Variants in GALNTL6 observed in about 807,000 individuals in gnomAD.
GALNTL6 encodes the protein polypeptide N-acetylgalactosaminyltransferase-like 6.
Under a neutral mutation model 73.7 loss-of-function variants are expected in GALNTL6, and 46 were observed. That is an observed-to-expected ratio of 0.62 (90% CI 0.49 to 0.80). The LOEUF (loss-of-function observed/expected upper bound fraction) is 0.80, where lower values mean the gene tolerates loss of function less well. GALNTL6 is among the 30% of genes least tolerant of loss of function. The pLI, the probability that GALNTL6 is intolerant of heterozygous loss-of-function variation, is 0.00. For missense variants in GALNTL6, 604 were observed against 755.0 expected (o/e 0.80, Z 2.34); for synonymous variants, 259 against 263.7 (o/e 0.98, Z 0.17).
At chr4:172,752,820 T>C (rs1365141591) in intron 5 of GALNTL6, among the ~76,000 whole-genome samples, 1 of 152,144 alleles carries the variant, frequency 6.6e-6, no homozygotes, top group African/African-American at 2.4e-5. Flanking sequence ...AATAAGAAAA[T>C]ACTTGCAATC....
intron 2 of GALNTL6, among the ~76,000 whole-genome samples, chr4:172,005,423 G>A (rs1157755553): frequency 1.3e-5 from 2 of 151,910 alleles, no homozygotes; most frequent in Admixed American, 1.3e-4. Context: ...CACTGCCCCA[G>A]GACTTAAAAA....
At chr4:172,050,343 G>T (rs141461066) in intron 2 of GALNTL6, among the ~76,000 whole-genome samples, 2 of 152,262 alleles carry the variant, frequency 1.3e-5, no homozygotes, top group East Asian at 3.9e-4. Context: ...GAAGGCAGAA[G>T]TTACAGGCAA....
intron 5 of GALNTL6, among the ~76,000 whole-genome samples, chr4:172,632,824 T>C (rs1030045324): frequency 6.6e-6 from 1 of 152,194 alleles, no homozygotes. Context: ...TCCTGCTCCA[T>C]GCAGCCTTGG....
intron 2 of GALNTL6, among the ~76,000 whole-genome samples, chr4:171,856,607 G>A (rs994147635): frequency 6.6e-6 from 1 of 152,100 alleles, no homozygotes; most frequent in African/African-American, 2.4e-5. Context: ...ATTAATGTAA[G>A]GTCTGTCTCA....
intron 5 of GALNTL6, among the ~76,000 whole-genome samples, chr4:172,569,266 C>G (rs1736675971): frequency 6.6e-6 from 1 of 152,148 alleles, no homozygotes; most frequent in Non-Finnish European, 1.5e-5. Context: ...TGTCTTCTTG[C>G]AGTGTCTTCA....
In GALNTL6 at chr4:172,623,605, A is replaced by G. The variant is rs575438053; in HGVS notation, c.554-185756A>G. Among the ~76,000 whole-genome samples, 6 of 152,296 alleles carry G rather than the reference A, an allele frequency of 3.9e-5. No individual in the cohort carries two copies. In the South Asian group the frequency reaches 1.2e-3, roughly 32 times the overall value. On this transcript the variant is annotated intron_variant, in intron 5 of 12. Coordinates refer to ENST00000506823, the MANE Select transcript of GALNTL6 (RefSeq NM_001034845.3). The stretch of plus-strand genomic sequence containing the variant: ...GTTGTGTTTTGTAATCTAGCCAATC[A>G]ATATCCTTCCATTCAGCTCCTTTAT...
At chr4:172,652,602 C>T (rs560853894) in intron 5 of GALNTL6, among the ~76,000 whole-genome samples, 3 of 152,316 alleles carry the variant, frequency 2.0e-5, no homozygotes, top group Non-Finnish European at 4.4e-5. Flanking sequence ...TAAGAACAGA[C>T]TCTATCCCCA....
chr4:172,211,292 T>C (rs1736314712), intron 2 of GALNTL6, among the ~76,000 whole-genome samples: 1 of 152,222 alleles, frequency 6.6e-6, no homozygotes, highest in Admixed American at 6.5e-5. Flanking sequence ...TTCTGGGATG[T>C]CCTTGCCCCT....
At chr4:172,674,164 G>A (rs1191164839) in intron 5 of GALNTL6, among the ~76,000 whole-genome samples, 1 of 152,102 alleles carries the variant, frequency 6.6e-6, no homozygotes. Flanking sequence ...GTCCCGTGGT[G>A]ACAATTTCCC....
intron 5 of GALNTL6, among the ~76,000 whole-genome samples, chr4:172,503,553 T>TATA (rs1554031112): frequency 6.9e-6 from 1 of 145,654 alleles, no homozygotes. Flanking sequence ...TATATATGTA[T>TATA]TAGTTTTTTG....
intron 5 of GALNTL6, among the ~76,000 whole-genome samples, chr4:172,609,884 C>G (rs759170242): frequency 1.2e-4 from 18 of 151,330 alleles, no homozygotes; most frequent in Non-Finnish European, 2.4e-4. Flanking sequence ...TGTTATTGGT[C>G]TGTTCAGGGA....
chr4:172,274,408 TAA>T (rs1738760029), intron 3 of GALNTL6, among the ~76,000 whole-genome samples: 1 of 152,224 alleles, frequency 6.6e-6, no homozygotes, highest in Admixed American at 6.5e-5. Context: ...TTGAAGAATT[TAA>T]GTAAATTGCC....
At chr4:173,016,338 TGC>T (rs2126506654) in intron 11 of GALNTL6, among the ~76,000 whole-genome samples, 1 of 152,266 alleles carries the variant, frequency 6.6e-6, no homozygotes, top group Non-Finnish European at 1.5e-5. Flanking sequence ...ACTGACAGCT[TGC>T]ACCATGCACC....
intron 5 of GALNTL6, among the ~76,000 whole-genome samples, chr4:172,450,580 C>T (rs1007114733): frequency 4.6e-5 from 7 of 152,220 alleles, no homozygotes; most frequent in African/African-American, 1.7e-4. Flanking sequence ...CTGCTTAAAC[C>T]TTCAATGGCT....
At chr4:172,000,198 A>G (rs1369364348) in intron 2 of GALNTL6, among the ~76,000 whole-genome samples, 1 of 152,210 alleles carries the variant, frequency 6.6e-6, no homozygotes, top group Non-Finnish European at 1.5e-5. Context: ...TAAATGCTCA[A>G]TGATTATATA....
At chr4:172,331,118 A>G (rs1307265755) in intron 4 of GALNTL6, among the ~76,000 whole-genome samples, 2 of 151,790 alleles carry the variant, frequency 1.3e-5, no homozygotes, top group Non-Finnish European at 2.9e-5. Context: ...CTATCATTTC[A>G]CTTAATTTTT....
rs184564754 is a variant in GALNTL6, at chr4:172,320,889, A to G, written c.386+9137A>G. On this transcript the variant is annotated intron_variant, in intron 4 of 12. Transcript: ENST00000506823. ...AGCAACGCTGGAGACTTAACCATGTAATGAAAAGAAATGGACTTCAAACAA... is the reference window on the plus strand; with the variant it reads ...AGCAACGCTGGAGACTTAACCATGTGATGAAAAGAAATGGACTTCAAACAA... 7.9e-4 allele frequency among the ~76,000 whole-genome samples: 121 copies of G among 152,332 alleles called. 2 individuals carry two copies. The South Asian group carries it at 0.015, about 19-fold the overall frequency.
intron 2 of GALNTL6, among the ~76,000 whole-genome samples, chr4:171,907,899 A>T (rs1376808176): frequency 6.6e-6 from 1 of 152,142 alleles, no homozygotes; most frequent in Non-Finnish European, 1.5e-5. Flanking sequence ...TGGGAAAAGG[A>T]TTCCCTATTT....
intron 2 of GALNTL6, among the ~76,000 whole-genome samples, chr4:172,095,326 C>T (rs1004131230): frequency 6.6e-6 from 1 of 152,036 alleles, no homozygotes; most frequent in Non-Finnish European, 1.5e-5. Context: ...TAGGGTTAAT[C>T]CCAGACCTCA....
Sources: allele counts gnomAD v4.1 joint callset (sites outside exome capture counted in the v4.1 genomes callset), GRCh38; gene constraint gnomAD v4.1.1; transcripts MANE v1.5; gene names NCBI Gene and HGNC (gene_info 2026-07-23, HGNC 2026-07-21).